Variants in ANTXR1 observed in about 807,000 individuals in gnomAD.
ANTXR1 encodes the protein anthrax toxin receptor 1.
In ANTXR1, 19 loss-of-function variants were observed where a neutral mutation model predicts 78.1. The ratio of observed to expected loss-of-function variants is 0.24; its 90% CI spans 0.17 to 0.36. The LOEUF (loss-of-function observed/expected upper bound fraction) is 0.36. Ranked by LOEUF, ANTXR1 falls within the 10% of genes least tolerant of loss-of-function variation. The pLI is 1.00. For synonymous variants in ANTXR1, 273 were observed against 260.5 expected, an observed-to-expected ratio of 1.05 and a Z score of -0.46; for missense variants, 518 against 718.6, an observed-to-expected ratio of 0.72 and a Z score of 3.19.
intron 3 of ANTXR1, among the ~76,000 whole-genome samples, chr2:69,060,355 G>A (rs533901762): frequency 4.7e-4 from 72 of 152,148 alleles, no homozygotes; most frequent in African/African-American, 6.3e-4. Flanking sequence ...TTTCCATCCC[G>A]AGTCTGTCTT....
intron 8 of ANTXR1, among the ~76,000 whole-genome samples, chr2:69,082,897 TC>T (rs2104253952): frequency 6.6e-6 from 1 of 152,278 alleles, no homozygotes; most frequent in South Asian, 2.1e-4. Context: ...GCATGTTTGA[TC>T]AACAATAAAC....
intron 17 of ANTXR1, among the ~76,000 whole-genome samples, chr2:69,242,609 G>A (rs1675921167): frequency 6.6e-6 from 1 of 152,154 alleles, no homozygotes; most frequent in Non-Finnish European, 1.5e-5. Flanking sequence ...TCAACCCCAG[G>A]CACCAGCAGC....
intron 10 of ANTXR1, among the ~76,000 whole-genome samples, chr2:69,119,154 T>C (rs543886096): frequency 6.6e-5 from 10 of 152,242 alleles, no homozygotes; most frequent in African/African-American, 2.2e-4. Flanking sequence ...CCTTTCCAGT[T>C]GGGATGGAGG....
At chr2:69,219,118 C>T (rs867418500) in intron 17 of ANTXR1, among the ~76,000 whole-genome samples, 11 of 152,128 alleles carry the variant, frequency 7.2e-5, no homozygotes, top group South Asian at 2.1e-4. Flanking sequence ...TCATCCACCA[C>T]GAAAGGGCAG....
intron 1 of ANTXR1, among the ~76,000 whole-genome samples, chr2:69,036,494 A>T (rs1318018335): frequency 6.6e-6 from 1 of 152,062 alleles, no homozygotes. Flanking sequence ...TTTTTTTTGT[A>T]CCCATTAACC....
At chr2:69,186,642 C>T (rs1488316901) in intron 16 of ANTXR1, among the ~76,000 whole-genome samples, 1 of 152,210 alleles carries the variant, frequency 6.6e-6, no homozygotes, top group Admixed American at 6.5e-5. Context: ...TTACTGGGTT[C>T]CAGAAAGAGC....
At chr2:69,175,092 A>T (rs1674084417) in intron 14 of ANTXR1, among the ~76,000 whole-genome samples, 1 of 152,252 alleles carries the variant, frequency 6.6e-6, no homozygotes. Context: ...TGGGAGCATC[A>T]GGTGCTCCTT....
At chr2:69,139,485 C>T (rs1476747971) in intron 12 of ANTXR1, among the ~76,000 whole-genome samples, 2 of 152,214 alleles carry the variant, frequency 1.3e-5, no homozygotes, top group African/African-American at 4.8e-5. Flanking sequence ...GTTGAGCATG[C>T]ATTAGAAACT....
intron 4 of ANTXR1, 88 bp from the exon 5 acceptor site, chr2:69,071,666 A>T: frequency 7.5e-7 from 1 of 1,331,466 alleles, no homozygotes; most frequent in Non-Finnish European, 1.1e-6. Flanking sequence ...TTGGCTGCAT[A>T]TTCAACAACA....
At chr2:69,219,410 CA>C (rs1443974801) in intron 17 of ANTXR1, among the ~76,000 whole-genome samples, 4 of 151,812 alleles carry the variant, frequency 2.6e-5, no homozygotes, top group African/African-American at 4.8e-5. Context: ...CACACACACA[CA>C]CACACACACA....
intron 16 of ANTXR1, among the ~76,000 whole-genome samples, chr2:69,190,026 G>C (rs959489012): frequency 3.9e-5 from 6 of 152,166 alleles, no homozygotes; most frequent in Non-Finnish European, 8.8e-5. Flanking sequence ...CATGAGACTA[G>C]ATGAGAGCAC....
At chr2:69,177,328 T>C (rs1191799139) in intron 14 of ANTXR1, among the ~76,000 whole-genome samples, 1 of 152,158 alleles carries the variant, frequency 6.6e-6, no homozygotes, top group Non-Finnish European at 1.5e-5. Context: ...TTGGGAAAGA[T>C]GGGAAAAGTT....
chr2:69,063,312 A>G (rs1670300229), intron 3 of ANTXR1, among the ~76,000 whole-genome samples: 1 of 152,150 alleles, frequency 6.6e-6, no homozygotes, highest in Admixed American at 6.6e-5. Flanking sequence ...GAGAAGCAAC[A>G]TTAAAAAAAT....
At chr2:69,129,093 C>G (rs1672642314) in intron 12 of ANTXR1, among the ~76,000 whole-genome samples, 2 of 152,144 alleles carry the variant, frequency 1.3e-5, no homozygotes, top group Admixed American at 1.3e-4. Context: ...AGAAAATGGT[C>G]AAACATCCAG....
chr2:69,095,647 T>C (rs1425513127), intron 9 of ANTXR1, among the ~76,000 whole-genome samples: 1 of 152,144 alleles, frequency 6.6e-6, no homozygotes, highest in Non-Finnish European at 1.5e-5. Context: ...GTGAGGCAGA[T>C]TTTGGCTTAC....
chr2:69,237,511 G>A (rs1675795264), intron 17 of ANTXR1, among the ~76,000 whole-genome samples: 1 of 152,176 alleles, frequency 6.6e-6, no homozygotes, highest in African/African-American at 2.4e-5. Flanking sequence ...ATAGCCCATT[G>A]CAGCCTCAAA....
At chr2:69,118,786 G>A (rs1036544867) in intron 10 of ANTXR1, among the ~76,000 whole-genome samples, 1 of 152,214 alleles carries the variant, frequency 6.6e-6, no homozygotes. Flanking sequence ...CCCAAATGGA[G>A]TTCCAGGAAG....
At chr2:69,195,831 C>T (rs1189673794) in intron 17 of ANTXR1, among the ~76,000 whole-genome samples, 1 of 152,112 alleles carries the variant, frequency 6.6e-6, no homozygotes, top group Non-Finnish European at 1.5e-5. Flanking sequence ...TGACAAGATG[C>T]TGATACAGTG....
At position 69,122,932 on chromosome 2, in the gene ANTXR1, CTTGG is replaced by C. The variant is rs369421132; in HGVS notation, c.803-81_803-78del. 1.6e-4 allele frequency: 228 copies of C among 1,438,868 alleles called. No homozygotes were observed. The African/African-American group carries it at 2.8e-3, about 18-fold the overall frequency. The allele number at this position is 1,438,868 out of a possible 1,614,324, so 89.1% of individuals were successfully genotyped here. On this transcript the variant is annotated intron_variant, in intron 10 of 17. Coordinates refer to ENST00000303714, the MANE Select transcript of ANTXR1 (RefSeq NM_032208.3). Reference sequence around the variant, plus strand: ...TTTGTTTTTTTGGTATCTCCCTGGACTTGGTTGATGTTCTCTAGAAGTCATTGAA... The same window carrying C: ...TTTGTTTTTTTGGTATCTCCCTGGACTTGATGTTCTCTAGAAGTCATTGAA...
Sources: gnomAD v4.1 joint callset for allele counts (sites outside exome capture counted in the v4.1 genomes callset) on GRCh38, gnomAD v4.1.1 for gene constraint, MANE v1.5 for transcripts, NCBI Gene and HGNC (gene_info 2026-07-23, HGNC 2026-07-21) for gene names.